Variants in IQCB1 observed in about 807,000 individuals in gnomAD.
IQCB1 encodes the protein IQ motif containing B1, also known as IQ calmodulin-binding motif-containing protein 1.
IQCB1 carries 56 observed loss-of-function variants against 84.4 expected under a neutral mutation model. The observed-to-expected ratio is 0.66, with a 90% confidence interval of 0.54 to 0.83. The LOEUF (loss-of-function observed/expected upper bound fraction) is 0.83. IQCB1 is among the 40% of genes least tolerant of loss of function. The pLI is 0.00. For synonymous variants in IQCB1, 210 were observed against 234.8 expected, an observed-to-expected ratio of 0.89 and a Z score of 0.96; for missense variants, 629 against 682.1, an observed-to-expected ratio of 0.92 and a Z score of 0.87.
At chr3:121,778,578 G>T (rs1403932663) in intron 13 of IQCB1, among the ~76,000 whole-genome samples, 1 of 151,492 alleles carries the variant, frequency 6.6e-6, no homozygotes, top group Non-Finnish European at 1.5e-5. Context: ...AGAATTCTAG[G>T]TTGACAACTT....
intron 13 of IQCB1, among the ~76,000 whole-genome samples, chr3:121,779,341 T>C (rs1948378690): frequency 6.6e-6 from 1 of 152,160 alleles, no homozygotes; most frequent in Admixed American, 6.5e-5. Context: ...TTTTCCCCTC[T>C]CTGTGACTCA....
intron 10 of IQCB1, among the ~76,000 whole-genome samples, chr3:121,794,583 TA>T (rs1348154379): frequency 1.3e-5 from 2 of 152,096 alleles, no homozygotes; most frequent in Non-Finnish European, 2.9e-5. Context: ...TCATGCCCAA[TA>T]ATATTTAAAA....
chr3:121,773,213 C>T (rs1164959985), intron 13 of IQCB1, among the ~76,000 whole-genome samples: 1 of 148,676 alleles, frequency 6.7e-6, no homozygotes, highest in African/African-American at 2.5e-5. Context: ...ACTCGGGAGG[C>T]TGAGGCGGGA....
chr3:121,812,357 G>A (rs1026237668), intron 5 of IQCB1, among the ~76,000 whole-genome samples: 3 of 152,114 alleles, frequency 2.0e-5, no homozygotes, highest in Admixed American at 2.0e-4. Context: ...AAACCAGAAC[G>A]CCTCTTCTCC....
At chr3:121,771,040 C>T (rs182624261) in intron 14 of IQCB1, among the ~76,000 whole-genome samples, 11 of 152,304 alleles carry the variant, frequency 7.2e-5, no homozygotes, top group South Asian at 2.1e-4. Context: ...GGCACGATCT[C>T]GGCTCACTGC....
At chr3:121,825,467 T>C (rs1950435351) in intron 5 of IQCB1, among the ~76,000 whole-genome samples, 1 of 152,064 alleles carries the variant, frequency 6.6e-6, no homozygotes. Flanking sequence ...GAGAATGTTA[T>C]CTGACCAAAA....
chr3:121,822,012 C>A (rs1297764001), intron 5 of IQCB1, among the ~76,000 whole-genome samples: 5 of 152,194 alleles, frequency 3.3e-5, no homozygotes, highest in African/African-American at 1.2e-4. Context: ...AGGGAAATTC[C>A]TCTTGCCTGA....
intron 2 of IQCB1, among the ~76,000 whole-genome samples, chr3:121,832,170 T>C (rs1446100947): frequency 1.3e-5 from 2 of 152,244 alleles, no homozygotes; most frequent in African/African-American, 2.4e-5. Context: ...TTTCTATTCA[T>C]ATCCCTTGAC....
At chr3:121,773,313 TAAA>T (rs57716745) in intron 13 of IQCB1, among the ~76,000 whole-genome samples, 24 of 104,412 alleles carry the variant, frequency 2.3e-4, no homozygotes, top group East Asian at 5.6e-4. Flanking sequence ...GACTCTGCCT[TAAA>T]AAAAAAAAAA....
rs1457843766 is a variant in IQCB1, at chr3:121,794,621, A to C, written c.986+836T>G. Among the ~76,000 whole-genome samples, 3 of 152,168 alleles carry C rather than the reference A, an allele frequency of 2.0e-5. No homozygotes were observed. The East Asian group carries it at 5.8e-4, about 29-fold the overall frequency. On this transcript the variant is annotated intron_variant, in intron 10 of 14. Transcript: ENST00000310864. ...CCATCTTTAATTCTTCCCTGAAGAA[A>C]ACGTTCATCAATTAATAGGATACCC...
At chr3:121,790,772 C>T (rs1185367130) in intron 10 of IQCB1, among the ~76,000 whole-genome samples, 2 of 137,296 alleles carry the variant, frequency 1.5e-5, no homozygotes, top group African/African-American at 5.6e-5. Context: ...AAAAAACTTA[C>T]ATTTACTTAC....
intron 5 of IQCB1, among the ~76,000 whole-genome samples, chr3:121,813,792 A>G (rs4676756): frequency 0.64 from 97,203 of 151,712 alleles, 31,634 homozygotes; most frequent in African/African-American, 0.71. Context: ...AGAGACCGAC[A>G]AAGAGACTTA....
chr3:121,788,089 A>T (rs993341101), intron 12 of IQCB1, among the ~76,000 whole-genome samples, 195 bp downstream of exon 12: 1 of 152,262 alleles, frequency 6.6e-6, no homozygotes, highest in Non-Finnish European at 1.5e-5. Flanking sequence ...CAAGGTTCTA[A>T]GGCAGTACTA....
At chr3:121,833,347 G>A (rs1031590230) in intron 2 of IQCB1, among the ~76,000 whole-genome samples, 1 of 152,190 alleles carries the variant, frequency 6.6e-6, no homozygotes, top group Admixed American at 6.5e-5. Flanking sequence ...ATGAGTAAAT[G>A]CACAAACCTC....
At chr3:121,813,250 C>T (rs1455216097) in intron 5 of IQCB1, among the ~76,000 whole-genome samples, 1 of 152,170 alleles carries the variant, frequency 6.6e-6, no homozygotes, top group Non-Finnish European at 1.5e-5. Flanking sequence ...ACCAGGGCTG[C>T]CTTACAAGAG....
rs755361366 is a variant in IQCB1, at chr3:121,790,251, T to C, written c.987-36A>G. 5 of 1,599,994 alleles carry C rather than the reference T, an allele frequency of 3.1e-6. No homozygotes were observed. The Admixed American group carries it at 6.7e-5, about 21-fold the overall frequency. Reference sequence around the variant, plus strand: ...AACAGTGTGTTATACATAATTTTCATAAATCATATGAAAAAATGCATAACC... The same window carrying C: ...AACAGTGTGTTATACATAATTTTCACAAATCATATGAAAAAATGCATAACC... On this transcript the variant is annotated intron_variant, in intron 10 of 14. Coordinates refer to ENST00000310864, the MANE Select transcript of IQCB1 (RefSeq NM_001023570.4).
At chr3:121,797,322 C>T in intron 8 of IQCB1, 95 bp from the exon 9 acceptor site, 1 of 596,122 alleles carries the variant, frequency 1.7e-6, no homozygotes, top group Non-Finnish European at 2.9e-6. Context: ...AAAAGTCTGG[C>T]TTAAAAACAA....
At chr3:121,802,365 GT>G (rs1315648406) in intron 7 of IQCB1, among the ~76,000 whole-genome samples, 1 of 151,962 alleles carries the variant, frequency 6.6e-6, no homozygotes, top group African/African-American at 2.4e-5. Context: ...AATTTTGGTA[GT>G]TTGCGTCTTT....
Position 121,797,204 on chromosome 3 carries a change from GT to G in IQCB1, c.789del (p.Lys263AsnfsTer19). The G allele has an allele frequency of 6.2e-7, 1 of 1,601,660 alleles. No homozygotes were observed. Among genetic ancestry groups the G allele is most frequent in the Non-Finnish European group, 8.5e-7 (1 of 1,170,282 alleles). On this transcript the variant is annotated frameshift_variant, in exon 9 of 15. Coordinates refer to ENST00000310864, the MANE Select transcript of IQCB1 (RefSeq NM_001023570.4). LOFTEE classifies it high-confidence loss of function. ...TGACTGAATTCAGTCCCAGTTTCCT[GT>G]TTACTTAGTAGACGTCTGAGTCCTG... ...CYKGLRRLLS[K>X]QETGTEFSQE...
Sources: gnomAD v4.1 joint callset for allele counts (sites outside exome capture counted in the v4.1 genomes callset) on GRCh38, gnomAD v4.1.1 for gene constraint, MANE v1.5 for transcripts, NCBI Gene and HGNC (gene_info 2026-07-23, HGNC 2026-07-21) for gene names.